RBFOX1: variants seen among roughly 807,000 people sequenced by gnomAD.
RBFOX1 encodes RNA binding protein fox-1 homolog 1.
RBFOX1 carries 8 observed loss-of-function variants against 57.7 expected under a neutral mutation model. The observed-to-expected ratio is 0.14, with a 90% CI of 0.08 to 0.25. The LOEUF (loss-of-function observed/expected upper bound fraction) is 0.25. Ranked by LOEUF, RBFOX1 falls within the 10% of genes least tolerant of loss-of-function variation. The pLI is 1.00. For synonymous variants in RBFOX1, 326 were observed against 222.4 expected (o/e 1.47, Z -4.15); for missense variants, 611 against 548.5 (o/e 1.11, Z -1.14).
At chr16:6,705,944 G>C (rs2062661430) in intron 3 of RBFOX1, among the ~76,000 whole-genome samples, 1 of 152,132 alleles carries the variant, frequency 6.6e-6, no homozygotes, top group Non-Finnish European at 1.5e-5. Flanking sequence ...CTTGAGCCTG[G>C]GAGGTGGAGG....
chr16:5,809,366 T>G (rs1007537215), intron 3 of RBFOX1, among the ~76,000 whole-genome samples: 2 of 152,118 alleles, frequency 1.3e-5, no homozygotes, highest in African/African-American at 2.4e-5. Flanking sequence ...CAAAAGAAAC[T>G]GCTATCAGAG....
chr16:5,490,390 C>G, intron 2 of RBFOX1, among the ~76,000 whole-genome samples: 1 of 152,216 alleles, frequency 6.6e-6, no homozygotes, highest in East Asian at 1.9e-4. Flanking sequence ...CACCTGGAAC[C>G]AGGACTTGAA....
At chr16:5,713,729 G>C (rs1345367949) in intron 3 of RBFOX1, among the ~76,000 whole-genome samples, 3 of 152,190 alleles carry the variant, frequency 2.0e-5, no homozygotes, top group African/African-American at 7.2e-5. Flanking sequence ...AGTGCCCACA[G>C]CATCACAGAG....
At chr16:5,382,753 G>A (rs1386096455) in intron 1 of RBFOX1, among the ~76,000 whole-genome samples, 1 of 152,174 alleles carries the variant, frequency 6.6e-6, no homozygotes, top group Non-Finnish European at 1.5e-5. Context: ...TATGTTTAAG[G>A]AAATTAAAGA....
chr16:6,951,444 C>G (rs748428648), intron 3 of RBFOX1, among the ~76,000 whole-genome samples: 3 of 152,126 alleles, frequency 2.0e-5, no homozygotes, highest in Non-Finnish European at 4.4e-5. Flanking sequence ...GGAGTCAGCT[C>G]ACTTAATCAG....
intron 1 of RBFOX1, among the ~76,000 whole-genome samples, chr16:6,073,066 A>G (rs989983785): frequency 1.3e-4 from 20 of 152,230 alleles, no homozygotes; most frequent in Admixed American, 6.5e-5. Flanking sequence ...GTGACTAGTT[A>G]TGATGAGTCA....
intron 4 of RBFOX1, among the ~76,000 whole-genome samples, chr16:7,444,038 C>G (rs1011990049): frequency 6.6e-5 from 10 of 152,164 alleles, no homozygotes; most frequent in Non-Finnish European, 1.2e-4. Context: ...GTGGTTGCCT[C>G]AAGTTAGAGG....
chr16:6,864,629 T>A (rs1162954758), intron 3 of RBFOX1, among the ~76,000 whole-genome samples: 1 of 151,808 alleles, frequency 6.6e-6, no homozygotes, highest in Non-Finnish European at 1.5e-5. Context: ...GAATCAAGGA[T>A]CTGATTCAAA....
intron 2 of RBFOX1, among the ~76,000 whole-genome samples, chr16:6,322,855 G>C (rs1328188901): frequency 6.6e-6 from 1 of 152,176 alleles, no homozygotes; most frequent in East Asian, 1.9e-4. Context: ...TTTCATGCCA[G>C]CTGCATTTAG....
In RBFOX1 at chr16:6,178,615, T is replaced by C. The variant is rs563844917; in HGVS notation, c.-126-138380T>C. Among the ~76,000 whole-genome samples the C allele has an allele frequency of 2.6e-5, 4 of 152,326 alleles. No homozygotes were observed. The East Asian group carries it at 7.7e-4, about 29-fold the overall frequency. ...CATATAAAAGAAGGAATGTGTTTAG[T>C]TCTGTTACTCTTGTATTAATCCCTT... On this transcript the variant is annotated intron_variant, in intron 1 of 15. Coordinates refer to ENST00000550418, the MANE Select transcript of RBFOX1 (RefSeq NM_018723.4).
intron 1 of RBFOX1, among the ~76,000 whole-genome samples, chr16:6,074,351 C>A (rs533969763): frequency 6.6e-6 from 1 of 152,152 alleles, no homozygotes. Flanking sequence ...CCAGCACAAA[C>A]ATTTCACCCC....
intron 4 of RBFOX1, among the ~76,000 whole-genome samples, chr16:5,936,807 C>G (rs867639368): frequency 6.6e-6 from 1 of 152,098 alleles, no homozygotes; most frequent in African/African-American, 2.4e-5. Flanking sequence ...ACAGCACATG[C>G]CAAGACAAGA....
chr16:6,623,238 G>T (rs1298626791), intron 2 of RBFOX1, among the ~76,000 whole-genome samples: 1 of 152,078 alleles, frequency 6.6e-6, no homozygotes. Context: ...TCTGGGAGGG[G>T]GCTGCTTTTG....
At chr16:6,021,944 CT>C (rs1429177842) in intron 1 of RBFOX1, among the ~76,000 whole-genome samples, 2 of 152,156 alleles carry the variant, frequency 1.3e-5, no homozygotes, top group African/African-American at 2.4e-5. Flanking sequence ...AAGTAGATTC[CT>C]CTAATTTTTG....
chr16:6,347,838 G>T (rs909470900), intron 2 of RBFOX1, among the ~76,000 whole-genome samples: 8 of 152,212 alleles, frequency 5.3e-5, no homozygotes. Flanking sequence ...TTGAAAGAAT[G>T]AGTGAATGTT....
intron 3 of RBFOX1, among the ~76,000 whole-genome samples, chr16:6,698,609 C>A (rs75887647): frequency 0.056 from 8,494 of 152,244 alleles, 608 homozygotes; most frequent in East Asian, 0.38. Context: ...GTCTAACATG[C>A]CACTTCTCCA....
intron 4 of RBFOX1, among the ~76,000 whole-genome samples, chr16:7,174,846 A>G (rs149561903): frequency 1.4e-4 from 21 of 152,280 alleles, no homozygotes; most frequent in South Asian, 8.3e-4. Flanking sequence ...GCGTTATTCA[A>G]TATCCCCACC....
At chr16:7,483,567 G>A (rs2064575775) in intron 4 of RBFOX1, among the ~76,000 whole-genome samples, 1 of 152,186 alleles carries the variant, frequency 6.6e-6, no homozygotes, top group Non-Finnish European at 1.5e-5. Context: ...CAGACATACT[G>A]CCTGAGGGTG....
At chr16:7,007,447 G>A (rs887169572) in intron 3 of RBFOX1, among the ~76,000 whole-genome samples, 2 of 152,078 alleles carry the variant, frequency 1.3e-5, no homozygotes, top group African/African-American at 2.4e-5. Context: ...CGTATTTTTA[G>A]GTGCATACTT....
Sources: allele counts gnomAD v4.1 joint callset (sites outside exome capture counted in the v4.1 genomes callset), GRCh38; gene constraint gnomAD v4.1.1; transcripts MANE v1.5; gene names NCBI Gene and HGNC (gene_info 2026-07-23, HGNC 2026-07-21).